Variants in KIAA0232 observed in about 807,000 individuals in gnomAD.
KIAA0232 encodes the protein KIAA0232.
Under a neutral mutation model 122.0 loss-of-function variants are expected in KIAA0232, and 27 were observed. That is an observed-to-expected ratio of 0.22 (90% CI 0.16 to 0.31). KIAA0232 has a LOEUF of 0.31. KIAA0232 is among the 10% of genes least tolerant of loss of function. The pLI is 1.00. For synonymous variants in KIAA0232, 613 were observed against 587.6 expected, an observed-to-expected ratio of 1.04 and a Z score of -0.63; for missense variants, 1,551 against 1,634.2, an observed-to-expected ratio of 0.95 and a Z score of 0.88.
chr4:6,790,473 C>A (rs968569035), intron 1 of KIAA0232, among the ~76,000 whole-genome samples: 1 of 147,244 alleles, frequency 6.8e-6, no homozygotes, highest in Non-Finnish European at 1.5e-5. Context: ...CAGCTCACTA[C>A]AGCCAGGACC....
At chr4:6,873,558 C>T (rs2108838083) in intron 8 of KIAA0232, among the ~76,000 whole-genome samples, 1 of 152,328 alleles carries the variant, frequency 6.6e-6, no homozygotes, top group South Asian at 2.1e-4. Context: ...TTTTGAGACA[C>T]AGAGTTCATG....
chr4:6,836,840 T>TGGG lies in KIAA0232; in HGVS notation c.232-5226_232-5225insGGG, dbSNP rs1388470091. Among the ~76,000 whole-genome samples the TGGG allele has an allele frequency of 1.1e-3, 172 of 152,308 alleles. 2 individuals carry two copies. The highest frequency in any genetic ancestry group is 2.8e-4 in the Non-Finnish European group (19 of 68,028). On this transcript the variant is annotated intron_variant, in intron 3 of 9. Coordinates refer to ENST00000307659, the MANE Select transcript of KIAA0232 (RefSeq NM_014743.3). ...TTTAACCCTTAGTGGACACAGCACA[T>TGGG]GTTTCAGAGAGCACGGGGTTGGGGG...
intron 2 of KIAA0232, among the ~76,000 whole-genome samples, chr4:6,816,843 AT>A (rs1718152269): frequency 6.6e-6 from 1 of 151,936 alleles, no homozygotes; most frequent in African/African-American, 2.4e-5. Flanking sequence ...CTTTCAAGGA[AT>A]TTTTCCATTT....
Position 6,855,965 on chromosome 4 carries a change from G to A in KIAA0232, c.370-1199G>A, listed in dbSNP as rs939275007. ...GTGTTTATGACTAATATCTGCCATC[G>A]TTTTTAAGAGTGTTTTTAAAGGAAA... is the stretch of plus-strand genomic sequence containing the variant. On this transcript the variant is annotated intron_variant, in intron 4 of 9. Transcript: ENST00000307659. This position sits in a 1 kb window ranked among gnomAD's most constrained non-coding sequence, Gnocchi z 4.3. 7 of 558,806 alleles carry A rather than the reference G, an allele frequency of 1.3e-5. No individual in the cohort carries two copies. Among genetic ancestry groups the A allele is most frequent in the Admixed American group, 6.4e-5 (1 of 15,720 alleles). The allele number at this position is 558,806 out of a possible 1,614,324, so 34.6% of individuals were successfully genotyped here.
chr4:6,788,334 A>C (rs922389136), intron 1 of KIAA0232, among the ~76,000 whole-genome samples: 1 of 151,978 alleles, frequency 6.6e-6, no homozygotes, highest in Non-Finnish European at 1.5e-5. Context: ...TCTTCTTGTC[A>C]CCTTATATTT....
chr4:6,865,390 C>T (rs1560206273), intron 7 of KIAA0232, among the ~76,000 whole-genome samples: 2 of 152,192 alleles, frequency 1.3e-5, no homozygotes, highest in African/African-American at 2.4e-5. Flanking sequence ...ACCTCCACCT[C>T]CCAGGTTCAA....
At chr4:6,838,003 G>C (rs1719426353) in intron 3 of KIAA0232, among the ~76,000 whole-genome samples, 1 of 152,110 alleles carries the variant, frequency 6.6e-6, no homozygotes, top group African/African-American at 2.4e-5. Context: ...TGTAGATTCT[G>C]GATATTAGCC....
At chr4:6,874,837 A>G (rs1393021841) in intron 8 of KIAA0232, among the ~76,000 whole-genome samples, 1 of 151,596 alleles carries the variant, frequency 6.6e-6, no homozygotes, top group African/African-American at 2.4e-5. Context: ...CTTGAGCATC[A>G]TGAAGACTAT....
Position 6,824,524 on chromosome 4 carries a change from C to G in KIAA0232, c.71C>G (p.Pro24Arg), listed in dbSNP as rs774891402. Reference sequence around the variant, plus strand: ...AGCTCCTCAAGTTCTTATCCAGGCCCTGTGTCTGTTTCTGAAATGTCTCTG... The same window carrying G: ...AGCTCCTCAAGTTCTTATCCAGGCCGTGTGTCTGTTTCTGAAATGTCTCTG... ...SESSSSSYPG[P>R]VSVSEMSLLH... is the part of the protein sequence containing the mutation. Residue 24 changes from proline to arginine, a missense_variant, in exon 3 of 10, where the codon CCT becomes CGT. Around this residue, in one of 5 missense-constraint regions of KIAA0232, gnomAD observed 37 missense variants for 28.5 expected, o/e 1.30. Coordinates refer to ENST00000307659, the MANE Select transcript of KIAA0232 (RefSeq NM_014743.3). 8 of 1,614,176 alleles carry G rather than the reference C, an allele frequency of 5.0e-6. No homozygotes were observed. The South Asian group carries it at 7.7e-5, about 16-fold the overall frequency.
At chr4:6,827,022 C>T (rs746117385) in intron 3 of KIAA0232, among the ~76,000 whole-genome samples, 1 of 152,072 alleles carries the variant, frequency 6.6e-6, no homozygotes, top group African/African-American at 2.4e-5. Context: ...TTCCTCAGGA[C>T]ACAGGACAGA....
At chr4:6,827,901 A>C (rs914015821) in intron 3 of KIAA0232, among the ~76,000 whole-genome samples, 1 of 150,906 alleles carries the variant, frequency 6.6e-6, no homozygotes, top group African/African-American at 2.4e-5. Context: ...GGTCATGATT[A>C]CTCTGTCTGG....
chr4:6,817,548 C>G (rs1262393842), intron 2 of KIAA0232, among the ~76,000 whole-genome samples: 4 of 152,144 alleles, frequency 2.6e-5, no homozygotes, highest in African/African-American at 9.7e-5. Context: ...TTTTAGTTCT[C>G]AAATGTTTGG....
At chr4:6,840,124 G>A (rs1347396076) in intron 3 of KIAA0232, among the ~76,000 whole-genome samples, 4 of 152,182 alleles carry the variant, frequency 2.6e-5, no homozygotes, top group Non-Finnish European at 5.9e-5. Flanking sequence ...GCTTCCCAGT[G>A]TCATTCAGGC....
chr4:6,872,828 C>G (rs1721564877), intron 8 of KIAA0232, among the ~76,000 whole-genome samples: 1 of 152,232 alleles, frequency 6.6e-6, no homozygotes, highest in African/African-American at 2.4e-5. Flanking sequence ...GGAAAGCCTC[C>G]CTGGCATCCC....
At chr4:6,818,373 C>A (rs1170082364) in intron 2 of KIAA0232, among the ~76,000 whole-genome samples, 1 of 146,748 alleles carries the variant, frequency 6.8e-6, no homozygotes, top group Non-Finnish European at 1.5e-5. Context: ...GCACTTGAGC[C>A]TGGGCAACAG....
intron 2 of KIAA0232, among the ~76,000 whole-genome samples, chr4:6,812,200 A>C (rs748991925): frequency 4.6e-5 from 7 of 152,198 alleles, no homozygotes; most frequent in African/African-American, 1.7e-4. Context: ...ATTAAGCTCA[A>C]CATAGTCATT....
intron 8 of KIAA0232, 118 bp downstream of exon 8, chr4:6,871,800 G>T: frequency 3.0e-6 from 2 of 666,004 alleles, no homozygotes; most frequent in South Asian, 3.7e-5. Flanking sequence ...TTCTGTGTGG[G>T]TAGCACTTTG....
intron 1 of KIAA0232, among the ~76,000 whole-genome samples, chr4:6,797,468 C>G (rs1041494799): frequency 6.6e-6 from 1 of 152,200 alleles, no homozygotes; most frequent in African/African-American, 2.4e-5. Context: ...CGCTTTAACC[C>G]TCAACAAATG....
At chr4:6,832,145 A>C (rs994159412) in intron 3 of KIAA0232, among the ~76,000 whole-genome samples, 1 of 152,122 alleles carries the variant, frequency 6.6e-6, no homozygotes, top group African/African-American at 2.4e-5. Flanking sequence ...TATTTGTTTA[A>C]TGGCATAGTT....
Sources: allele counts gnomAD v4.1 joint callset (sites outside exome capture counted in the v4.1 genomes callset), GRCh38; gene constraint gnomAD v4.1.1; regional missense constraint gnomAD v4.1.1; non-coding constraint Gnocchi (gnomAD v3.1); transcripts MANE v1.5; gene names NCBI Gene and HGNC (gene_info 2026-07-23, HGNC 2026-07-21).